Variants in CHLSN observed in about 807,000 individuals in gnomAD.
CHLSN encodes the protein cholesin, also known as protein cholesin.
the CHLSN span, chr7:1,009,908 A>T: frequency 1.9e-5 from 28 of 1,470,532 alleles, no homozygotes; most frequent in East Asian, 6.7e-4. Flanking sequence ...AGGGGTTGAG[A>T]CGCACGTCCG....
At chr7:1,054,947 C>T in the CHLSN span, among the ~76,000 whole-genome samples, 1 of 152,210 alleles carries the variant, frequency 6.6e-6, no homozygotes, top group African/African-American at 2.4e-5. Context: ...CTGTTGATTT[C>T]CTCACGGAAA....
chr7:1,120,750 G>T, the CHLSN span, among the ~76,000 whole-genome samples: 1 of 152,238 alleles, frequency 6.6e-6, no homozygotes, highest in Non-Finnish European at 1.5e-5. Context: ...TAGTAAACGG[G>T]TGAGAGAATC....
the CHLSN span, chr7:988,899 C>CCA: frequency 7.4e-6 from 7 of 946,346 alleles, no homozygotes; most frequent in Admixed American, 2.6e-5. Context: ...TCCTCCCACC[C>CCA]CACAGCTCGG....
chr7:1,017,886 C>T, the CHLSN span, among the ~76,000 whole-genome samples: 5 of 152,232 alleles, frequency 3.3e-5, no homozygotes, highest in African/African-American at 9.6e-5. Context: ...GATGGCGCCT[C>T]GCCTTTCCCA....
chr7:1,085,069 G>A, the CHLSN span, among the ~76,000 whole-genome samples: 4 of 152,258 alleles, frequency 2.6e-5, no homozygotes, highest in Non-Finnish European at 4.4e-5. Context: ...GGTCAAAGGC[G>A]AGGGCCAAGG....
At chr7:1,005,429 AG>A in the CHLSN span, among the ~76,000 whole-genome samples, 1 of 152,254 alleles carries the variant, frequency 6.6e-6, no homozygotes, top group African/African-American at 2.4e-5. Flanking sequence ...TAACTGCACC[AG>A]GAACTGCCAG....
At chr7:1,133,357 T>C in the CHLSN span, among the ~76,000 whole-genome samples, 4 of 146,796 alleles carry the variant, frequency 2.7e-5, no homozygotes, top group African/African-American at 7.8e-5. Flanking sequence ...TAAAATTAGA[T>C]TGTGGTGATG....
chr7:983,086 T>C, the CHLSN span: 2 of 819,278 alleles, frequency 2.4e-6, no homozygotes, highest in Non-Finnish European at 1.7e-6. Flanking sequence ...CCCTGCAAAC[T>C]GCTCGTTCCA....
chr7:1,070,919 GCACGCACAGACACGCACACA>G, the CHLSN span, among the ~76,000 whole-genome samples: 1 of 140,186 alleles, frequency 7.1e-6, no homozygotes, highest in East Asian at 2.1e-4. Flanking sequence ...CACACACACA[GCACGCACAGACACGCACACA>G]TGCACACACA....
the CHLSN span, among the ~76,000 whole-genome samples, chr7:1,130,443 G>T: frequency 1.3e-5 from 2 of 152,080 alleles, no homozygotes; most frequent in Non-Finnish European, 2.9e-5. Context: ...CCCGGCCCAC[G>T]CCTGCTGCTG....
the CHLSN span, among the ~76,000 whole-genome samples, chr7:998,831 G>C: frequency 1.3e-5 from 2 of 152,130 alleles, no homozygotes; most frequent in Non-Finnish European, 2.9e-5. Context: ...AGAAACTGTT[G>C]CCTCACCCAA....
At chr7:984,344 G>T in the CHLSN span, 1 of 1,485,334 alleles carries the variant, frequency 6.7e-7, no homozygotes. Context: ...CACAGGCCCG[G>T]CCTGAGGGGA....
At chr7:1,135,043 A>G in the CHLSN span, among the ~76,000 whole-genome samples, 1 of 152,108 alleles carries the variant, frequency 6.6e-6, no homozygotes, top group Non-Finnish European at 1.5e-5. Flanking sequence ...ATTTGACCTA[A>G]CAGCGTTGGA....
At chr7:1,015,784 C>T in the CHLSN span, among the ~76,000 whole-genome samples, 1 of 152,206 alleles carries the variant, frequency 6.6e-6, no homozygotes, top group African/African-American at 2.4e-5. Flanking sequence ...TCCCAACACC[C>T]AGCCCGGGCT....
chr7:1,136,014 A>C, the CHLSN span, among the ~76,000 whole-genome samples: 1 of 121,296 alleles, frequency 8.2e-6, no homozygotes, highest in Non-Finnish European at 1.6e-5. Flanking sequence ...TATAAAATAT[A>C]TATGTATATA....
At chr7:1,035,963 A>G in the CHLSN span, among the ~76,000 whole-genome samples, 1 of 152,224 alleles carries the variant, frequency 6.6e-6, no homozygotes, top group Non-Finnish European at 1.5e-5. Context: ...TGCCGTGAAA[A>G]GACGTGAGCA....
chr7:1,083,238 C>T, the CHLSN span, among the ~76,000 whole-genome samples: 53 of 152,380 alleles, frequency 3.5e-4, no homozygotes, highest in South Asian at 7.7e-3. Flanking sequence ...AGCAGCCGCA[C>T]GCGCCTTCAG....
the CHLSN span, chr7:986,832 T>A: frequency 6.7e-7 from 1 of 1,487,280 alleles, no homozygotes; most frequent in Non-Finnish European, 9.0e-7. Flanking sequence ...TGAAGGCCTG[T>A]AGGGGTCCTG....
chr7:1,006,420 C>T, the CHLSN span, among the ~76,000 whole-genome samples: 9 of 148,892 alleles, frequency 6.0e-5, no homozygotes, highest in South Asian at 4.3e-4. Flanking sequence ...AGGGAAAGAG[C>T]GCACGACGGC....
Sources: gnomAD v4.1 joint callset for allele counts (sites outside exome capture counted in the v4.1 genomes callset) on GRCh38, gnomAD v4.1.1 for gene constraint, MANE v1.5 for transcripts, NCBI Gene and HGNC (gene_info 2026-07-23, HGNC 2026-07-21) for gene names.